KCNH7: variants seen among roughly 807,000 people sequenced by gnomAD.
The protein encoded by KCNH7 is voltage-gated inwardly rectifying potassium channel KCNH7.
KCNH7 carries 49 observed loss-of-function variants against 120.8 expected under a neutral mutation model. The ratio of observed to expected loss-of-function variants is 0.41; its 90% confidence interval spans 0.32 to 0.51. KCNH7 has a LOEUF of 0.51. Among genes scored for constraint, KCNH7 ranks in the 20% least tolerant of loss-of-function variants. KCNH7 has a pLI of 0.38. For missense variants in KCNH7, 1,097 were observed against 1,446.6 expected (o/e 0.76, Z 3.92); for synonymous variants, 547 against 516.1 (o/e 1.06, Z -0.81).
intron 3 of KCNH7, among the ~76,000 whole-genome samples, chr2:162,521,244 C>A (rs1691510750): frequency 6.6e-6 from 1 of 151,900 alleles, no homozygotes; most frequent in Non-Finnish European, 1.5e-5. Flanking sequence ...AATGACTTGG[C>A]ATGGTAAATG....
At chr2:162,714,820 T>C (rs1280678610) in intron 2 of KCNH7, among the ~76,000 whole-genome samples, 1 of 152,208 alleles carries the variant, frequency 6.6e-6, no homozygotes, top group East Asian at 1.9e-4. Context: ...TATCCTTAAA[T>C]TTTAATTCTT....
intron 2 of KCNH7, among the ~76,000 whole-genome samples, chr2:162,704,345 A>T (rs1158744628): frequency 1.3e-5 from 2 of 152,186 alleles, no homozygotes; most frequent in East Asian, 1.9e-4. Flanking sequence ...CAACAACAAC[A>T]ACAACAAAGT....
chr2:162,375,570 GT>G (rs1375426678), intron 14 of KCNH7, among the ~76,000 whole-genome samples: 2 of 152,194 alleles, frequency 1.3e-5, no homozygotes, highest in Admixed American at 1.3e-4. Flanking sequence ...TTGCTGATAG[GT>G]TTTTTTATAT....
chr2:162,455,153 G>A (rs1388574450), intron 6 of KCNH7, among the ~76,000 whole-genome samples: 1 of 152,170 alleles, frequency 6.6e-6, no homozygotes, highest in Non-Finnish European at 1.5e-5. Context: ...ATGTAGGGAT[G>A]TTGAATTTTA....
At chr2:162,811,157 A>G (rs1447774757) in intron 2 of KCNH7, among the ~76,000 whole-genome samples, 1 of 152,168 alleles carries the variant, frequency 6.6e-6, no homozygotes, top group Non-Finnish European at 1.5e-5. Context: ...TGAATTGAAT[A>G]CTATGAAGTG....
chr2:162,832,620 T>C (rs1189100749), intron 2 of KCNH7, among the ~76,000 whole-genome samples: 2 of 152,124 alleles, frequency 1.3e-5, no homozygotes, highest in East Asian at 3.8e-4. Flanking sequence ...TGAATATTAG[T>C]CACTCTGTAA....
chr2:162,536,799 C>T, intron 3 of KCNH7, 126 bp downstream of exon 3: 1 of 997,966 alleles, frequency 1.0e-6, no homozygotes, highest in Non-Finnish European at 1.5e-6. Flanking sequence ...ATGGCTTACT[C>T]ATGTCAAATT....
intron 2 of KCNH7, among the ~76,000 whole-genome samples, chr2:162,764,825 C>T (rs892905360): frequency 6.6e-6 from 1 of 152,048 alleles, no homozygotes; most frequent in African/African-American, 2.4e-5. Flanking sequence ...TGTTATGAAG[C>T]ATCATACATA....
At chr2:162,379,471 C>T (rs1686334441) in intron 14 of KCNH7, among the ~76,000 whole-genome samples, 1 of 151,826 alleles carries the variant, frequency 6.6e-6, no homozygotes, top group South Asian at 2.1e-4. Context: ...TTTTAAATGC[C>T]CTAACACATA....
chr2:162,435,471 G>A lies in KCNH7; in HGVS notation c.1681C>T (p.Leu561=), dbSNP rs16846690. 0.011 allele frequency: 18,295 copies of A among 1,613,712 alleles called. 1,551 individuals are homozygous for A. In the Admixed American group the frequency reaches 0.19, roughly 17 times the overall value. ...VLMLLMCIFA[L]IAHWLACIWY... The stretch of plus-strand genomic sequence containing the variant: ...ATGCAAGCCAGCCAGTGAGCAATCA[G>A]GGCAAAGATGCACATTAAGAGCATT... Residue 561 remains leucine (L), a synonymous_variant, in exon 8 of 16, where the codon CTG becomes TTG. Transcript: ENST00000332142.
In KCNH7 at chr2:162,565,239, A is replaced by AGACTT. The variant is rs1693213435; in HGVS notation, c.308-28164_308-28160dup. On this transcript the variant is annotated intron_variant, in intron 2 of 15. Transcript: ENST00000332142. The stretch of plus-strand genomic sequence containing the variant: ...TATAGGTATTTTTTACACAACATTT[A>AGACTT]GACTTGATTAACATAAAATATTTAT... Among the ~76,000 whole-genome samples, 3 of 152,210 alleles carry AGACTT rather than the reference A, an allele frequency of 2.0e-5. No individual in the cohort carries two copies. The South Asian group carries it at 6.2e-4, about 32-fold the overall frequency.
In KCNH7 at chr2:162,470,240, G is replaced by A. The variant is rs1275612002; in HGVS notation, c.1129-23797C>T. ...AAGTGAGGAGCCTCTCTGCCCGGCC[G>A]CCATCCCATCTAGGAAGTGAGGAGC... is the stretch of plus-strand genomic sequence containing the variant. On this transcript the variant is annotated intron_variant, in intron 6 of 15. Transcript: ENST00000332142. Among the ~76,000 whole-genome samples, 9 of 151,928 alleles carry A rather than the reference G, an allele frequency of 5.9e-5. 1 individual carries two copies. Among genetic ancestry groups the A allele is most frequent in the African/African-American group, 1.2e-4 (5 of 41,410 alleles).
At chr2:162,585,047 C>T (rs893054062) in intron 2 of KCNH7, among the ~76,000 whole-genome samples, 1 of 151,816 alleles carries the variant, frequency 6.6e-6, no homozygotes, top group African/African-American at 2.4e-5. Context: ...ATCAACACTT[C>T]ACTTCTGGGC....
chr2:162,658,973 T>C (rs567558446), intron 2 of KCNH7, among the ~76,000 whole-genome samples: 6 of 152,336 alleles, frequency 3.9e-5, no homozygotes, highest in African/African-American at 1.4e-4. Flanking sequence ...TTTTCTTGTC[T>C]TGTTGCATTA....
intron 2 of KCNH7, among the ~76,000 whole-genome samples, chr2:162,681,863 A>C (rs935296543): frequency 6.7e-6 from 1 of 149,440 alleles, no homozygotes; most frequent in African/African-American, 2.5e-5. Context: ...TAACTTTCCT[A>C]TATGCATTTG....
chr2:162,836,669 C>T lies in KCNH7; in HGVS notation c.175G>A (p.Val59Ile), dbSNP rs1195093193. The change falls in exon 2 of 16, where the codon GTC becomes ATC. Residue 59 changes from valine (V) to isoleucine (I), a missense_variant. By Grantham distance (29) the Val-to-Ile change is conservative. Transcript: ENST00000332142. ...TCGCAGGTGCATGGCTTTTGCATGA[C>T]ATCTGGCCTGGAGAAACCAGTCATC... The part of the protein sequence containing the change: ...CEMTGFSRPD[V>I]MQKPCTCDFL... 1.9e-6 allele frequency: 3 copies of T among 1,614,128 alleles called. No individual in the cohort carries two copies. Among genetic ancestry groups the T allele is most frequent in the East Asian group, 2.2e-5 (1 of 44,866 alleles).
intron 6 of KCNH7, among the ~76,000 whole-genome samples, chr2:162,459,007 A>AAATAATAATAAT (rs71009358): frequency 0.19 from 25,242 of 134,516 alleles, 2,643 homozygotes; most frequent in South Asian, 0.29. Context: ...TTCTGTTTCA[A>AAATAATAATAAT]AATAATAATA....
intron 2 of KCNH7, among the ~76,000 whole-genome samples, chr2:162,800,143 A>C (rs921082209): frequency 6.6e-6 from 1 of 151,788 alleles, no homozygotes; most frequent in African/African-American, 2.4e-5. Context: ...CCTTCCAAAA[A>C]AGGAAGAAGG....
At chr2:162,427,919 C>T (rs573988611) in intron 8 of KCNH7, among the ~76,000 whole-genome samples, 1 of 151,728 alleles carries the variant, frequency 6.6e-6, no homozygotes, top group Non-Finnish European at 1.5e-5. Context: ...CTCTTTTAGT[C>T]TAGTTGGAGG....
Sources: gnomAD v4.1 joint callset for allele counts (sites outside exome capture counted in the v4.1 genomes callset) on GRCh38, gnomAD v4.1.1 for gene constraint, MANE v1.5 for transcripts, NCBI Gene and HGNC (gene_info 2026-07-23, HGNC 2026-07-21) for gene names.